PCDHGB1: variants seen among roughly 807,000 people sequenced by gnomAD.
PCDHGB1 encodes the protein protocadherin gamma subfamily B, 1.
In PCDHGB1, 34 loss-of-function variants were observed where a neutral mutation model predicts 56.6. The observed-to-expected ratio is 0.60, with a 90% CI of 0.46 to 0.80. The LOEUF is 0.80. PCDHGB1 is among the 30% of genes least tolerant of loss of function. The probability of loss-of-function intolerance (pLI) is 0.00; values close to 1 mark genes in which losing one functional copy is unlikely to be tolerated. For missense variants in PCDHGB1, 1,278 were observed against 1,204.6 expected (o/e 1.06, Z -0.90); for synonymous variants, 561 against 505.9 (o/e 1.11, Z -1.46).
rs774774450 is a variant in PCDHGB1, at chr5:141,398,863, G to A, written c.2409+46194G>A. The A allele has an allele frequency of 2.5e-6, 4 of 1,613,868 alleles. No homozygotes were observed. The highest frequency in any genetic ancestry group is 2.7e-5 in the African/African-American group (2 of 74,928). ...TAATCCCCCGGTATTCAACCGAGACGTGTACAGAGTCAGCCTTCGGGAAAA... is the reference window on the plus strand; with the variant it reads ...TAATCCCCCGGTATTCAACCGAGACATGTACAGAGTCAGCCTTCGGGAAAA... On this transcript the variant is annotated intron_variant, in intron 1 of 3. Transcript: ENST00000523390.
At chr5:141,380,964 T>G (rs774157943) in intron 1 of PCDHGB1, among the ~76,000 whole-genome samples, 7 of 152,256 alleles carry the variant, frequency 4.6e-5, no homozygotes, top group Non-Finnish European at 1.0e-4. Flanking sequence ...TCAAAAGTAC[T>G]ATTAAACAAA....
chr5:141,427,895 G>T (rs539406412), intron 1 of PCDHGB1: 3 of 1,569,228 alleles, frequency 1.9e-6, no homozygotes, highest in South Asian at 2.2e-5. Context: ...ACCAGGGCTC[G>T]CCCGCGCTCA....
At chr5:141,365,896 T>G (rs1764191904) in intron 1 of PCDHGB1, 1 of 1,614,094 alleles carries the variant, frequency 6.2e-7, no homozygotes. Context: ...CCTTCGACTA[T>G]GAGCAGTTGA....
intron 1 of PCDHGB1, chr5:141,421,290 G>C (rs2096561632): frequency 6.2e-7 from 1 of 1,613,130 alleles, no homozygotes; most frequent in African/African-American, 1.3e-5. Flanking sequence ...GCATTTTCCT[G>C]GGGACGCTGC....
chr5:141,459,981 G>C (rs1023972964), intron 1 of PCDHGB1, among the ~76,000 whole-genome samples: 7 of 152,330 alleles, frequency 4.6e-5, no homozygotes, highest in Admixed American at 1.3e-4. Context: ...AGGAGGCTGA[G>C]ACAGGAGAAT....
At chr5:141,364,651 C>T in intron 1 of PCDHGB1, 3 of 1,614,064 alleles carry the variant, frequency 1.9e-6, no homozygotes, top group Non-Finnish European at 2.5e-6. Flanking sequence ...TGAACTTTAA[C>T]ATCTTGGTTG....
At chr5:141,406,083 T>C (rs539696065) in intron 1 of PCDHGB1, among the ~76,000 whole-genome samples, 2 of 151,900 alleles carry the variant, frequency 1.3e-5, no homozygotes, top group South Asian at 4.2e-4. Flanking sequence ...TTTTTTTTTT[T>C]TTTTAAGAGA....
chr5:141,476,850 A>C lies in PCDHGB1; in HGVS notation c.2410-17957A>C, dbSNP rs747333239. Reference sequence around the variant, plus strand: ...GCGAATGACAATGCGCCTGTCTTCAACCAGTCCTTGTACCGGGCGCGCGTC... The same window carrying C: ...GCGAATGACAATGCGCCTGTCTTCACCCAGTCCTTGTACCGGGCGCGCGTC... On this transcript the variant is annotated intron_variant, in intron 1 of 3. Transcript: ENST00000523390. The surrounding 1 kb of genome is among the most constrained non-coding windows in gnomAD (Gnocchi z 7.6). The C allele has an allele frequency of 5.6e-6, 9 of 1,613,718 alleles. No individual in the cohort carries two copies. Among genetic ancestry groups the C allele is most frequent in the Non-Finnish European group, 7.6e-6 (9 of 1,180,054 alleles).
intron 1 of PCDHGB1, among the ~76,000 whole-genome samples, chr5:141,382,210 G>T (rs61675507): frequency 0.17 from 26,250 of 151,970 alleles, 2,491 homozygotes; most frequent in Admixed American, 0.27. Context: ...TATTAAAATA[G>T]GTCTATATAT....
chr5:141,490,497 C>T lies in PCDHGB1; in HGVS notation c.2410-4310C>T. 8 of 1,614,196 alleles carry T rather than the reference C, an allele frequency of 5.0e-6. No individual in the cohort carries two copies. Among genetic ancestry groups the T allele is most frequent in the Non-Finnish European group, 6.8e-6 (8 of 1,180,038 alleles). ...CTTTGGACCGGGAGGCCACATCCCACTATATCATCGAGCTGCTGGCCAGCG... is the reference window on the plus strand; with the variant it reads ...CTTTGGACCGGGAGGCCACATCCCATTATATCATCGAGCTGCTGGCCAGCG... On this transcript the variant is annotated intron_variant, in intron 1 of 3. Transcript: ENST00000523390. The surrounding 1 kb of genome is among the most constrained non-coding windows in gnomAD (Gnocchi z 5.4).
At chr5:141,478,708 A>G (rs1394463788) in intron 1 of PCDHGB1, 31 of 1,548,072 alleles carry the variant, frequency 2.0e-5, no homozygotes, top group Non-Finnish European at 2.5e-5. Context: ...TGCCTTTGTG[A>G]GATGGTGGCC....
intron 1 of PCDHGB1, chr5:141,417,612 T>C: frequency 1.6e-6 from 1 of 617,852 alleles, no homozygotes; most frequent in Non-Finnish European, 2.6e-6. Flanking sequence ...CGTCGGCCAG[T>C]GCAGAGCAAG....
chr5:141,474,985 C>T (rs2099357651), intron 1 of PCDHGB1, among the ~76,000 whole-genome samples: 1 of 152,202 alleles, frequency 6.6e-6, no homozygotes, highest in Non-Finnish European at 1.5e-5. Context: ...TGTTTGGTGA[C>T]AACAATTCTA....
chr5:141,417,663 C>T (rs2096144136), intron 1 of PCDHGB1: 8 of 901,900 alleles, frequency 8.9e-6, no homozygotes, highest in Non-Finnish European at 1.3e-5. Flanking sequence ...CCTGGGATTC[C>T]CTGCGCAGCC....
At chr5:141,406,267 G>A (rs2094786630) in intron 1 of PCDHGB1, among the ~76,000 whole-genome samples, 1 of 151,854 alleles carries the variant, frequency 6.6e-6, no homozygotes, top group African/African-American at 2.4e-5. Context: ...CGATCTTCCT[G>A]CTTCAGTTTC....
chr5:141,358,387 G>T (rs1447702123), intron 1 of PCDHGB1, among the ~76,000 whole-genome samples: 1 of 152,144 alleles, frequency 6.6e-6, no homozygotes, highest in East Asian at 1.9e-4. Flanking sequence ...ACCATGCTTT[G>T]CTTGAAGTTT....
chr5:141,444,373 G>A (rs2098434682), intron 1 of PCDHGB1, among the ~76,000 whole-genome samples: 1 of 151,902 alleles, frequency 6.6e-6, no homozygotes, highest in South Asian at 2.1e-4. Context: ...GTTTCTCCAT[G>A]TTGGTCAGGC....
chr5:141,467,055 C>CTTTTT (rs1193465269), intron 1 of PCDHGB1, among the ~76,000 whole-genome samples: 1 of 134,496 alleles, frequency 7.4e-6, no homozygotes, highest in Non-Finnish European at 1.6e-5. Context: ...TCAATGTTTT[C>CTTTTT]TTTTTTTTTT....
intron 1 of PCDHGB1, chr5:141,395,512 A>C: frequency 4.7e-6 from 2 of 421,514 alleles, no homozygotes; most frequent in Non-Finnish European, 8.4e-6. Flanking sequence ...AGAAGTAGCT[A>C]CCCGTCCATA....
Sources: allele counts gnomAD v4.1 joint callset (sites outside exome capture counted in the v4.1 genomes callset), GRCh38; gene constraint gnomAD v4.1.1; non-coding constraint Gnocchi (gnomAD v3.1); transcripts MANE v1.5; gene names NCBI Gene and HGNC (gene_info 2026-07-23, HGNC 2026-07-21).